The following AR variants were observed in gnomAD, a reference collection of about 807,000 sequenced individuals.
The protein encoded by AR is dihydrotestosterone receptor.
AR carries 8 observed loss-of-function variants against 53.9 expected under a neutral mutation model. That is an observed-to-expected ratio of 0.15 (90% confidence interval 0.09 to 0.27). The LOEUF is 0.27. AR is among the 10% of genes least tolerant of loss of function. The probability of loss-of-function intolerance (pLI) is 1.00; values close to 1 mark genes in which losing one functional copy is unlikely to be tolerated. For missense variants in AR, 639 were observed against 742.5 expected, an observed-to-expected ratio of 0.86 and a Z score of 1.62; for synonymous variants, 359 against 316.4, an observed-to-expected ratio of 1.13 and a Z score of -1.43.
At chrX:67,681,978 T>C in intron 2 of AR, among the ~76,000 whole-genome samples, 1 of 112,191 alleles carries the variant, frequency 8.9e-6, no homozygotes. Context: ...AAAAACTATA[T>C]GATCATCTCA....
intron 1 of AR, among the ~76,000 whole-genome samples, chrX:67,570,954 G>T (rs763679992): frequency 9.1e-6 from 1 of 110,427 alleles, no homozygotes; most frequent in African/African-American, 3.3e-5. Context: ...AGGGGCTCAG[G>T]ATGGAGTGCA....
At chrX:67,694,246 T>G (rs1336274338) in intron 3 of AR, among the ~76,000 whole-genome samples, 1 of 110,641 alleles carries the variant, frequency 9.0e-6, no homozygotes, top group Admixed American at 9.7e-5. Flanking sequence ...TGCAAGAAAT[T>G]CAGCAGACTC....
chrX:67,688,363 C>A (rs2075978223), intron 3 of AR, among the ~76,000 whole-genome samples: 4 of 111,635 alleles, frequency 3.6e-5, no homozygotes, highest in Admixed American at 9.5e-5. Context: ...TTTAGAAATA[C>A]CATCCTCATA....
intron 3 of AR, among the ~76,000 whole-genome samples, chrX:67,693,118 G>C (rs899049295): frequency 8.9e-6 from 1 of 112,810 alleles, no homozygotes; most frequent in East Asian, 2.8e-4. Flanking sequence ...TGGTTAGAGC[G>C]AAGTAAATTT....
intron 1 of AR, among the ~76,000 whole-genome samples, chrX:67,624,904 C>CAAAAAAAAAAAAAAAAAA (rs140323582): frequency 1.1e-4 from 2 of 18,181 alleles, no homozygotes; most frequent in East Asian, 2.3e-3. Context: ...GGCAATTAGG[C>CAAAAAAAAAAAAAAAAAA]AAAAAAAAAA....
intron 4 of AR, among the ~76,000 whole-genome samples, chrX:67,716,709 G>A (rs775850105): frequency 2.7e-5 from 3 of 111,751 alleles, no homozygotes; most frequent in East Asian, 5.7e-4. Context: ...GGTGGCAGTG[G>A]CTGTCAAGAC....
At chrX:67,671,087 G>T (rs1420954423) in intron 2 of AR, among the ~76,000 whole-genome samples, 2 of 112,176 alleles carry the variant, frequency 1.8e-5, no homozygotes, top group African/African-American at 6.5e-5. Flanking sequence ...CTTTATAGAA[G>T]AATGATTTAT....
intron 3 of AR, chrX:67,694,734 C>G (rs2076011746): frequency 2.6e-6 from 3 of 1,154,777 alleles, no homozygotes; most frequent in Non-Finnish European, 2.3e-6. Context: ...GAAAGGCTGA[C>G]TTGCCTCATT....
At position 67,561,823 on chromosome X, in the gene AR, A is replaced by G. The variant is rs191178921; in HGVS notation, c.1616+15061A>G. Among the ~76,000 whole-genome samples, 391 of 110,990 alleles carry G rather than the reference A, an allele frequency of 3.5e-3. 5 individuals are homozygous for G. Among genetic ancestry groups the G allele is most frequent in the African/African-American group, 0.013 (385 of 30,494 alleles). On this transcript the variant is annotated intron_variant, in intron 1 of 7. Coordinates refer to ENST00000374690, the MANE Select transcript of AR (RefSeq NM_000044.6). The stretch of plus-strand genomic sequence containing the variant: ...AGCAGTGAACATAACTATTGTTTCA[A>G]CGTACCTGAAGGATTATCATGGAAT...
chrX:67,634,490 G>T (rs184608822), intron 1 of AR, among the ~76,000 whole-genome samples: 1 of 111,681 alleles, frequency 9.0e-6, no homozygotes, highest in African/African-American at 3.3e-5. Flanking sequence ...GTTGTTCAAG[G>T]TCCTTCTGTT....
intron 3 of AR, among the ~76,000 whole-genome samples, chrX:67,705,693 A>G (rs937321352): frequency 1.8e-5 from 2 of 111,544 alleles, no homozygotes; most frequent in Non-Finnish European, 1.9e-5. Flanking sequence ...TTGAATAGGA[A>G]TGGTGAGAGA....
intron 1 of AR, among the ~76,000 whole-genome samples, chrX:67,614,362 A>G (rs2147389598): frequency 8.9e-6 from 1 of 112,144 alleles, no homozygotes; most frequent in East Asian, 2.8e-4. Flanking sequence ...GACTGAATAG[A>G]AAAAGTCAAC....
intron 3 of AR, among the ~76,000 whole-genome samples, chrX:67,703,222 T>TTTA (rs1036179284): frequency 1.3e-4 from 15 of 112,287 alleles, no homozygotes; most frequent in Non-Finnish European, 2.4e-4. Context: ...ACCTTTCTTA[T>TTTA]TTATTATTAT....
At chrX:67,700,259 A>G (rs986692371) in intron 3 of AR, among the ~76,000 whole-genome samples, 2 of 111,854 alleles carry the variant, frequency 1.8e-5, no homozygotes, top group African/African-American at 3.3e-5. Context: ...AAGTAAACCA[A>G]TGAGTCTCTG....
At chrX:67,549,701 A>G (rs1485896041) in intron 1 of AR, among the ~76,000 whole-genome samples, 1 of 112,071 alleles carries the variant, frequency 8.9e-6, no homozygotes, top group East Asian at 2.8e-4. Context: ...AGTGCATGCC[A>G]GAATTAGAGT....
At chrX:67,709,213 G>T (rs1307809344) in intron 3 of AR, among the ~76,000 whole-genome samples, 1 of 112,168 alleles carries the variant, frequency 8.9e-6, no homozygotes, top group East Asian at 2.8e-4. Context: ...GCTGCCTTTT[G>T]TTCGGCTATG....
Position 67,577,134 on chromosome X carries a change from A to C in AR, c.1616+30372A>C, listed in dbSNP as rs755712239. Among the ~76,000 whole-genome samples, 462 of 107,382 alleles carry C rather than the reference A, an allele frequency of 4.3e-3. 4 individuals are homozygous for C. Among genetic ancestry groups the C allele is most frequent in the African/African-American group, 0.015 (443 of 29,396 alleles). 93.2% of individuals were successfully genotyped at this position (107,382 alleles called of 115,157 possible). On this transcript the variant is annotated intron_variant, in intron 1 of 7. Coordinates refer to ENST00000374690, the MANE Select transcript of AR (RefSeq NM_000044.6). ...TACTCCCCATTTCCCCCACCCCCTG[A>C]CCCTTCAACCCTAGGCAAGCACAAA...
intron 4 of AR, among the ~76,000 whole-genome samples, chrX:67,715,240 T>C (rs1440164253): frequency 1.8e-5 from 2 of 110,834 alleles, no homozygotes; most frequent in Non-Finnish European, 3.8e-5. Flanking sequence ...TGCTACATGC[T>C]TAGACCCTGC....
At chrX:67,638,207 C>G (rs952255235) in intron 1 of AR, among the ~76,000 whole-genome samples, 1 of 111,964 alleles carries the variant, frequency 8.9e-6, no homozygotes, top group African/African-American at 3.3e-5. Context: ...GCCACAATTT[C>G]TTTATCCAAT....
Sources: allele counts gnomAD v4.1 joint callset (sites outside exome capture counted in the v4.1 genomes callset), GRCh38; gene constraint gnomAD v4.1.1; transcripts MANE v1.5; gene names NCBI Gene and HGNC (gene_info 2026-07-23, HGNC 2026-07-21).